Variants in NEGR1 observed in about 807,000 individuals in gnomAD.
The protein encoded by NEGR1 is neuronal growth regulator 1, also known as IgLON family member 4.
In NEGR1, 10 loss-of-function variants were observed where a neutral mutation model predicts 40.9. That is an observed-to-expected ratio of 0.24 (90% CI 0.15 to 0.42). NEGR1 has a LOEUF of 0.42. Ranked by LOEUF, NEGR1 falls within the 10% of genes least tolerant of loss-of-function variation. The pLI, the probability that NEGR1 is intolerant of heterozygous loss-of-function variation, is 1.00. For missense variants in NEGR1, 352 were observed against 438.9 expected (o/e 0.80, Z 1.77); for synonymous variants, 185 against 166.8 (o/e 1.11, Z -0.84).
chr1:72,247,878 C>A (rs542349396), intron 1 of NEGR1, among the ~76,000 whole-genome samples: 1 of 152,244 alleles, frequency 6.6e-6, no homozygotes, highest in Non-Finnish European at 1.5e-5. Flanking sequence ...CACAGTTCTG[C>A]AGGCTTTTTA....
intron 1 of NEGR1, among the ~76,000 whole-genome samples, chr1:71,940,253 T>G (rs868707948): frequency 1.3e-5 from 2 of 152,206 alleles, no homozygotes; most frequent in African/African-American, 4.8e-5. Flanking sequence ...TGTTCAATAA[T>G]AAATATATCC....
At chr1:71,872,509 G>A (rs1016576199) in intron 2 of NEGR1, among the ~76,000 whole-genome samples, 1 of 152,126 alleles carries the variant, frequency 6.6e-6, no homozygotes, top group Non-Finnish European at 1.5e-5. Context: ...AGCTTCTAAA[G>A]TGCTCTCCCT....
intron 1 of NEGR1, among the ~76,000 whole-genome samples, chr1:71,954,899 T>G (rs940493365): frequency 1.3e-5 from 2 of 152,138 alleles, no homozygotes; most frequent in East Asian, 3.8e-4. Flanking sequence ...TTTATGAAAA[T>G]GTATATGGTG....
chr1:71,713,274 A>G (rs1209282003), intron 3 of NEGR1, among the ~76,000 whole-genome samples: 6 of 152,180 alleles, frequency 3.9e-5, no homozygotes, highest in African/African-American at 1.4e-4. Flanking sequence ...GACCTACGGG[A>G]AAATTATTTG....
chr1:71,529,576 A>G (rs1428898170), intron 6 of NEGR1, among the ~76,000 whole-genome samples: 1 of 151,254 alleles, frequency 6.6e-6, no homozygotes, highest in Non-Finnish European at 1.5e-5. Flanking sequence ...TAAATATTAA[A>G]ATACACTTCG....
At chr1:71,549,538 TA>T (rs1380660148) in intron 6 of NEGR1, among the ~76,000 whole-genome samples, 5 of 151,692 alleles carry the variant, frequency 3.3e-5, no homozygotes, top group Non-Finnish European at 7.4e-5. Context: ...CTAGAATCTC[TA>T]AAATACTTTT....
chr1:72,067,387 T>A (rs1557509799), intron 1 of NEGR1, among the ~76,000 whole-genome samples: 1 of 152,090 alleles, frequency 6.6e-6, no homozygotes, highest in Non-Finnish European at 1.5e-5. Flanking sequence ...GTGAGATGCA[T>A]CTCGTCATAC....
rs188101044 is a variant in NEGR1, at chr1:72,013,129, A to C, written c.177-77818T>G. Among the ~76,000 whole-genome samples the C allele has an allele frequency of 1.9e-3, 292 of 152,028 alleles. 4 individuals carry two copies. Among genetic ancestry groups the C allele is most frequent in the African/African-American group, 7.0e-3 (289 of 41,498 alleles). The stretch of plus-strand genomic sequence containing the variant: ...TAGACAATTCTTTTTAGGGGTAATA[A>C]ATTATAATAAGGGAGCATGAATGGA... On this transcript the variant is annotated intron_variant, in intron 1 of 6. Coordinates refer to ENST00000357731, the MANE Select transcript of NEGR1 (RefSeq NM_173808.3).
chr1:71,452,211 G>GTTTAATCTCATATCCTTAGAT (rs1646634366), intron 6 of NEGR1, among the ~76,000 whole-genome samples: 2 of 152,106 alleles, frequency 1.3e-5, no homozygotes, highest in Non-Finnish European at 2.9e-5. Context: ...GAATTGGAGG[G>GTTTAATCTCATATCCTTAGAT]TTTAATCTCA....
chr1:71,461,277 T>C (rs906112588), intron 6 of NEGR1, among the ~76,000 whole-genome samples: 1 of 152,216 alleles, frequency 6.6e-6, no homozygotes, highest in African/African-American at 2.4e-5. Flanking sequence ...AGAAGTTTTC[T>C]TTTTAAAACA....
chr1:71,719,786 C>T (rs1235039905), intron 3 of NEGR1, among the ~76,000 whole-genome samples: 1 of 152,082 alleles, frequency 6.6e-6, no homozygotes, highest in Non-Finnish European at 1.5e-5. Context: ...AGGCCCCCAC[C>T]CCCTGGCAGG....
intron 1 of NEGR1, among the ~76,000 whole-genome samples, chr1:71,995,031 G>A (rs1209154473): frequency 2.7e-5 from 4 of 147,540 alleles, no homozygotes; most frequent in African/African-American, 5.0e-5. Context: ...TTCTACTGAC[G>A]GAATCTCCTG....
At chr1:72,027,826 C>T (rs1646825439) in intron 1 of NEGR1, among the ~76,000 whole-genome samples, 1 of 152,138 alleles carries the variant, frequency 6.6e-6, no homozygotes, top group Admixed American at 6.6e-5. Flanking sequence ...TGGCCATATC[C>T]CAAGGGTGCC....
chr1:71,996,143 TAATA>T (rs1471962794), intron 1 of NEGR1, among the ~76,000 whole-genome samples: 1 of 152,140 alleles, frequency 6.6e-6, no homozygotes, highest in African/African-American at 2.4e-5. Context: ...ACTGGATGTA[TAATA>T]AATATGAAAT....
At chr1:72,016,631 G>C (rs1335862334) in intron 1 of NEGR1, among the ~76,000 whole-genome samples, 1 of 152,138 alleles carries the variant, frequency 6.6e-6, no homozygotes, top group Non-Finnish European at 1.5e-5. Flanking sequence ...TTTCACGTAT[G>C]GGAAAAACAC....
chr1:72,013,188 T>G (rs1646675217), intron 1 of NEGR1, among the ~76,000 whole-genome samples: 3 of 152,030 alleles, frequency 2.0e-5, no homozygotes, highest in Admixed American at 6.6e-5. Flanking sequence ...TAAATAATTC[T>G]CTTTGGAATT....
chr1:71,898,179 T>C lies in NEGR1; in HGVS notation c.409+36900A>G, dbSNP rs139814726. Among the ~76,000 whole-genome samples the C allele has an allele frequency of 2.6e-3, 394 of 152,316 alleles. 2 individuals are homozygous for C. The highest frequency in any genetic ancestry group is 9.0e-3 in the African/African-American group (373 of 41,572). The stretch of plus-strand genomic sequence containing the variant: ...ACATTACTGAAGTCAGTCTGGTAGG[T>C]ATTTAAAATTTCCGTCATTGAGGAA... On this transcript the variant is annotated intron_variant, in intron 2 of 6. Coordinates refer to ENST00000357731, the MANE Select transcript of NEGR1 (RefSeq NM_173808.3).
intron 6 of NEGR1, among the ~76,000 whole-genome samples, chr1:71,520,115 G>A (rs112264581): frequency 1.3e-3 from 201 of 152,164 alleles, no homozygotes; most frequent in African/African-American, 4.6e-3. Context: ...GTAGGAGTTG[G>A]AGTCAGACGA....
intron 1 of NEGR1, among the ~76,000 whole-genome samples, chr1:72,235,391 G>A (rs1419864149): frequency 1.3e-5 from 2 of 152,018 alleles, no homozygotes; most frequent in East Asian, 1.9e-4. Flanking sequence ...GAAATTCACT[G>A]ATAGTTTTCG....
Sources: gnomAD v4.1 joint callset for allele counts (sites outside exome capture counted in the v4.1 genomes callset) on GRCh38, gnomAD v4.1.1 for gene constraint, MANE v1.5 for transcripts, NCBI Gene and HGNC (gene_info 2026-07-23, HGNC 2026-07-21) for gene names.